ANKRD6: variants seen among roughly 807,000 people sequenced by gnomAD.
The protein encoded by ANKRD6 is ankyrin repeat domain 6.
Under a neutral mutation model 82.3 loss-of-function variants are expected in ANKRD6, and 56 were observed. The ratio of observed to expected loss-of-function variants is 0.68; its 90% CI spans 0.55 to 0.85. The LOEUF is 0.85. Among genes scored for constraint, ANKRD6 ranks in the 40% least tolerant of loss-of-function variants. The pLI is 0.00. For missense variants in ANKRD6, 852 were observed against 907.6 expected, an observed-to-expected ratio of 0.94 and a Z score of 0.79; for synonymous variants, 347 against 352.1, an observed-to-expected ratio of 0.99 and a Z score of 0.16.
intron 1 of ANKRD6, among the ~76,000 whole-genome samples, chr6:89,558,515 A>G (rs748609780): frequency 6.6e-6 from 1 of 151,356 alleles, no homozygotes; most frequent in Non-Finnish European, 1.5e-5. Flanking sequence ...GAATTATAGA[A>G]AAAGCAAAAC....
chr6:89,607,172 A>G (rs1798882329), intron 5 of ANKRD6, among the ~76,000 whole-genome samples: 2 of 151,130 alleles, frequency 1.3e-5, no homozygotes, highest in Admixed American at 1.3e-4. Flanking sequence ...CCGGTCTCAA[A>G]AAAAAAAAAA....
At chr6:89,537,879 CAAA>C (rs55864526) in intron 1 of ANKRD6, among the ~76,000 whole-genome samples, 1 of 110,812 alleles carries the variant, frequency 9.0e-6, no homozygotes, top group African/African-American at 3.6e-5. Flanking sequence ...GACAATGTCT[CAAA>C]AAAAAAAAAA....
At chr6:89,621,679 T>C in intron 9 of ANKRD6, 1 of 510,742 alleles carries the variant, frequency 2.0e-6, no homozygotes, top group South Asian at 2.1e-5. Context: ...GTTATTATCA[T>C]CATAGACTTT....
At chr6:89,548,189 T>G (rs995299136) in intron 1 of ANKRD6, among the ~76,000 whole-genome samples, 1 of 149,542 alleles carries the variant, frequency 6.7e-6, no homozygotes, top group Non-Finnish European at 1.5e-5. Flanking sequence ...CCATTAATAG[T>G]CATTCCCTAT....
intron 1 of ANKRD6, among the ~76,000 whole-genome samples, chr6:89,481,589 T>G (rs1776817494): frequency 6.6e-6 from 1 of 152,258 alleles, no homozygotes; most frequent in African/African-American, 2.4e-5. Context: ...CATGTGCATT[T>G]CCTCTGTTGA....
chr6:89,577,304 ACT>A (rs968615378), intron 2 of ANKRD6, among the ~76,000 whole-genome samples: 2 of 151,640 alleles, frequency 1.3e-5, no homozygotes, highest in African/African-American at 4.8e-5. Flanking sequence ...ACTTCTCTCA[ACT>A]CTGTGTCTTT....
chr6:89,488,993 C>G (rs916192040), intron 1 of ANKRD6, among the ~76,000 whole-genome samples: 1 of 152,010 alleles, frequency 6.6e-6, no homozygotes, highest in East Asian at 1.9e-4. Context: ...GGGCCATGAC[C>G]TCCCGTTTGA....
Position 89,528,593 on chromosome 6 carries a change from T to C in ANKRD6, c.-143-38241T>C, listed in dbSNP as rs1039445811. Among the ~76,000 whole-genome samples the C allele has an allele frequency of 9.2e-5, 14 of 152,256 alleles. 1 individual carries two copies. Among genetic ancestry groups the C allele is most frequent in the Admixed American group, 9.2e-4 (14 of 15,282 alleles). On this transcript the variant is annotated intron_variant, in intron 1 of 15. Transcript: ENST00000339746. ...AACTCTTGTTAATGTTATTTTGACC[T>C]CTTCCTGTGAATCACGAATGTTCCT... is the stretch of plus-strand genomic sequence containing the variant.
At chr6:89,435,035 T>C (rs1193352540) in intron 1 of ANKRD6, among the ~76,000 whole-genome samples, 1 of 152,170 alleles carries the variant, frequency 6.6e-6, no homozygotes, top group African/African-American at 2.4e-5. Context: ...AAAATTAATC[T>C]TAGTCTCCCA....
chr6:89,480,666 T>C (rs1018809724), intron 1 of ANKRD6, among the ~76,000 whole-genome samples: 4 of 151,418 alleles, frequency 2.6e-5, no homozygotes, highest in African/African-American at 4.8e-5. Context: ...CAAAGTTGGC[T>C]AGAAATAGTG....
At chr6:89,456,869 G>A (rs1773567555) in intron 1 of ANKRD6, among the ~76,000 whole-genome samples, 1 of 152,042 alleles carries the variant, frequency 6.6e-6, no homozygotes, top group South Asian at 2.1e-4. Flanking sequence ...CCTAAAACTT[G>A]GTAGCTTAAA....
At chr6:89,450,127 A>G (rs893724183) in intron 1 of ANKRD6, among the ~76,000 whole-genome samples, 3 of 152,140 alleles carry the variant, frequency 2.0e-5, no homozygotes, top group African/African-American at 7.2e-5. Flanking sequence ...ACCTGAGGTC[A>G]GGAGATCCAG....
chr6:89,510,549 A>C (rs975416035), intron 1 of ANKRD6, among the ~76,000 whole-genome samples: 3 of 152,160 alleles, frequency 2.0e-5, no homozygotes, highest in African/African-American at 7.2e-5. Flanking sequence ...TCTAGTTCAC[A>C]TACCATAAAA....
Position 89,631,034 on chromosome 6 carries a change from C to G in ANKRD6, c.*30C>G. 6.8e-7 allele frequency: 1 copy of G among 1,470,584 alleles called. No homozygotes were observed. The highest frequency in any genetic ancestry group is 9.0e-7 in the Non-Finnish European group (1 of 1,114,910). The allele number at this position is 1,470,584 out of a possible 1,614,324, so 91.1% of individuals were successfully genotyped here. A position where few individuals can be genotyped will look rare whatever the true frequency, so the allele number is the denominator to read the frequency against. On this transcript the variant is annotated 3_prime_UTR_variant, in exon 16 of 16. Transcript: ENST00000339746. ...AATAAAGAGGAAATATGAAAGGATT[C>G]TTGAAGATTTCCAGTTTTGCAACTG...
intron 15 of ANKRD6, chr6:89,629,505 G>C (rs1806853445): frequency 2.2e-6 from 1 of 455,006 alleles, no homozygotes; most frequent in African/African-American, 2.0e-5. Context: ...CTTGAGTACA[G>C]TGTTGATAGT....
chr6:89,598,414 T>C, intron 3 of ANKRD6: 1 of 985,150 alleles, frequency 1.0e-6, no homozygotes, highest in Non-Finnish European at 1.2e-6. Context: ...CCCTAGAAGA[T>C]CAGAGAGAGA....
intron 1 of ANKRD6, among the ~76,000 whole-genome samples, chr6:89,496,593 G>A (rs1243092850): frequency 6.6e-6 from 1 of 151,966 alleles, no homozygotes; most frequent in Non-Finnish European, 1.5e-5. Context: ...TGCGATCTCG[G>A]GTCACTGCAA....
At chr6:89,553,286 G>T (rs936600354) in intron 1 of ANKRD6, among the ~76,000 whole-genome samples, 1 of 152,186 alleles carries the variant, frequency 6.6e-6, no homozygotes, top group East Asian at 1.9e-4. Context: ...TCACACAGCC[G>T]ACTGATAGCA....
chr6:89,473,097 T>A (rs1412421333), intron 1 of ANKRD6, among the ~76,000 whole-genome samples: 1 of 152,154 alleles, frequency 6.6e-6, no homozygotes, highest in East Asian at 1.9e-4. Flanking sequence ...GAGAATTTAT[T>A]TAACAGCATA....
Sources: allele counts gnomAD v4.1 joint callset (sites outside exome capture counted in the v4.1 genomes callset), GRCh38; gene constraint gnomAD v4.1.1; transcripts MANE v1.5; gene names NCBI Gene and HGNC (gene_info 2026-07-23, HGNC 2026-07-21).